CNOT2: variants seen among roughly 807,000 people sequenced by gnomAD.
CNOT2 encodes CC chemokine receptor 4-negative regulator of transcription 2.
A neutral mutation model predicts 72.1 loss-of-function variants in CNOT2; 7 were observed. That is an observed-to-expected ratio of 0.10 (90% CI 0.06 to 0.18). The LOEUF is 0.18. CNOT2 is among the 10% of genes least tolerant of loss of function. The pLI is 1.00. For missense variants in CNOT2, 345 were observed against 660.3 expected (o/e 0.52, Z 5.23); for synonymous variants, 196 against 225.6 (o/e 0.87, Z 1.17).
At chr12:70,282,445 A>T (rs1244756573) in intron 2 of CNOT2, among the ~76,000 whole-genome samples, 1 of 152,210 alleles carries the variant, frequency 6.6e-6, no homozygotes, top group Non-Finnish European at 1.5e-5. Flanking sequence ...TAAATATCTT[A>T]CTTCCTTTTA....
chr12:70,273,063 T>C (rs578258413), intron 1 of CNOT2, among the ~76,000 whole-genome samples: 1 of 152,138 alleles, frequency 6.6e-6, no homozygotes, highest in Admixed American at 6.6e-5. Context: ...TCATCAGCAT[T>C]TCCCTCTGTG....
intron 2 of CNOT2, chr12:70,294,435 A>G: frequency 2.3e-6 from 1 of 426,458 alleles, no homozygotes; most frequent in Non-Finnish European, 3.8e-6. Context: ...TTCTCATAAA[A>G]CTCATAAATT....
intron 11 of CNOT2, among the ~76,000 whole-genome samples, chr12:70,339,411 T>G (rs1336254210): frequency 6.6e-6 from 1 of 152,110 alleles, no homozygotes; most frequent in Non-Finnish European, 1.5e-5. Context: ...TCCCCTGTGA[T>G]CAACTCCCTT....
chr12:70,260,130 T>C lies in CNOT2; in HGVS notation c.-96+16650T>C, dbSNP rs1330297834. ...TTCTTTTTCGAGATTGTTTTATTAG[T>C]ATCTGCTCCATGAATTTCCATATGA... is the stretch of plus-strand genomic sequence containing the variant. On this transcript the variant is annotated intron_variant, in intron 1 of 15. Coordinates refer to ENST00000229195, the MANE Select transcript of CNOT2 (RefSeq NM_014515.7). Among the ~76,000 whole-genome samples, 5 of 152,310 alleles carry C rather than the reference T, an allele frequency of 3.3e-5. No homozygotes were observed. The East Asian group carries it at 9.6e-4, about 29-fold the overall frequency.
intron 4 of CNOT2, chr12:70,327,476 TC>T (rs1382975477): frequency 6.6e-6 from 1 of 151,882 alleles, no homozygotes; most frequent in Non-Finnish European, 1.5e-5. Context: ...TAAATTCTAG[TC>T]CTAGTTCTTT....
At chr12:70,320,001 A>G (rs935023077) in intron 4 of CNOT2, among the ~76,000 whole-genome samples, 1 of 151,694 alleles carries the variant, frequency 6.6e-6, no homozygotes, top group Non-Finnish European at 1.5e-5. Context: ...CTATTATCAC[A>G]TAAAATTTTT....
In CNOT2 at chr12:70,338,433, T is replaced by G. The variant is rs768593206; in HGVS notation, c.901-10T>G. On this transcript the variant is annotated splice_polypyrimidine_tract_variant and intron_variant, in intron 9 of 15. Transcript: ENST00000229195. ...AATTTTAATGTCACATTTAATTTTTTTCATGCTAGAATTTGAATACATCTG... is the reference window on the plus strand; with the variant it reads ...AATTTTAATGTCACATTTAATTTTTGTCATGCTAGAATTTGAATACATCTG... The G allele has an allele frequency of 6.3e-7, 1 of 1,590,076 alleles. No individual in the cohort carries two copies. Among genetic ancestry groups the G allele is most frequent in the Non-Finnish European group, 8.5e-7 (1 of 1,172,452 alleles).
chr12:70,338,772 T>C lies in CNOT2; in HGVS notation c.1128T>C (p.Leu376=), dbSNP rs1330521190. The C allele has an allele frequency of 6.2e-7, 1 of 1,613,506 alleles. No individual in the cohort carries two copies. The highest frequency in any genetic ancestry group is 2.2e-5 in the East Asian group (1 of 44,850). The change falls in exon 11 of 16, where the codon CTT becomes CTC. Residue 376 remains leucine, a synonymous_variant. Coordinates refer to ENST00000229195, the MANE Select transcript of CNOT2 (RefSeq NM_014515.7). ...AAETDPGMVH[L]ALGSDLTTLG... is the part of the protein sequence containing the mutation. ...AGACAGACCCAGGAATGGTACATCT[T>C]GCATTAGGAAGTGACTTAACAACAT...
intron 4 of CNOT2, among the ~76,000 whole-genome samples, chr12:70,321,336 A>G (rs1381414774): frequency 1.3e-5 from 2 of 151,854 alleles, no homozygotes; most frequent in African/African-American, 2.4e-5. Context: ...GCCAATTTCT[A>G]TCTGTTAGGA....
In CNOT2 at chr12:70,323,951, A is replaced by C. The variant is rs183738466; in HGVS notation, c.238+4587A>C. The C allele has an allele frequency of 7.5e-4, 114 of 151,878 alleles. 1 individual carries two copies. The highest frequency in any genetic ancestry group is 2.6e-3 in the African/African-American group (107 of 41,478). The allele number at this position is 151,878 out of a possible 1,614,324, so 9.4% of individuals were successfully genotyped here. A position where few individuals can be genotyped will look rare whatever the true frequency, so the allele number is the denominator to read the frequency against. On this transcript the variant is annotated intron_variant, in intron 4 of 15. Coordinates refer to ENST00000229195, the MANE Select transcript of CNOT2 (RefSeq NM_014515.7). ...AGCTAATATTTATTGAATATTATCT[A>C]CTGTGTATCAGATGCGATTTTAAGT...
intron 1 of CNOT2, among the ~76,000 whole-genome samples, chr12:70,269,422 A>G (rs1453977730): frequency 6.6e-6 from 1 of 152,106 alleles, no homozygotes; most frequent in Non-Finnish European, 1.5e-5. Flanking sequence ...CTGGTGAAGA[A>G]TGTGGACCCC....
chr12:70,336,707 T>TTA (rs1880754216), intron 8 of CNOT2: 2 of 152,232 alleles, frequency 1.3e-5, no homozygotes, highest in Middle Eastern at 6.8e-3. Context: ...CAGACTCTAA[T>TTA]GTTTTTAACC....
chr12:70,354,075 T>A lies in CNOT2; in HGVS notation c.*160T>A. On this transcript the variant is annotated 3_prime_UTR_variant, in exon 16 of 16. Transcript: ENST00000229195. ...TTACGCAAAAGGTCACCATTTGAGG[T>A]CCTGCCTTACTAATTATGTGCTGCC... 1 of 1,294,222 alleles carries A rather than the reference T, an allele frequency of 7.7e-7. No individual in the cohort carries two copies. The allele number at this position is 1,294,222 out of a possible 1,614,324, so 80.2% of individuals were successfully genotyped here.
At chr12:70,296,582 A>G (rs1422739960) in intron 2 of CNOT2, among the ~76,000 whole-genome samples, 1 of 151,664 alleles carries the variant, frequency 6.6e-6, no homozygotes, top group East Asian at 1.9e-4. Flanking sequence ...CATTATACCT[A>G]TATCATATTA....
chr12:70,286,740 A>C lies in CNOT2; in HGVS notation c.48+8466A>C, dbSNP rs1051730354. Reference sequence around the variant, plus strand: ...CTGTGACAAATTTAGAATATTCATGAGAATGCTCCCCTCCAACACAAAAAG... The same window carrying C: ...CTGTGACAAATTTAGAATATTCATGCGAATGCTCCCCTCCAACACAAAAAG... On this transcript the variant is annotated intron_variant, in intron 2 of 15. Coordinates refer to ENST00000229195, the MANE Select transcript of CNOT2 (RefSeq NM_014515.7). 1.1e-4 allele frequency among the ~76,000 whole-genome samples: 17 copies of C among 148,702 alleles called. 1 individual carries two copies. Among genetic ancestry groups the C allele is most frequent in the African/African-American group, 3.9e-4 (16 of 41,060 alleles).
chr12:70,272,593 T>G (rs1397665167), intron 1 of CNOT2, among the ~76,000 whole-genome samples: 3 of 152,200 alleles, frequency 2.0e-5, no homozygotes, highest in Non-Finnish European at 4.4e-5. Context: ...AGTCTGTTGC[T>G]TCTCTCATGC....
chr12:70,336,325 G>A (rs1401011840), intron 8 of CNOT2: 1 of 152,036 alleles, frequency 6.6e-6, no homozygotes, highest in Non-Finnish European at 1.5e-5. Context: ...AGGGATAAAT[G>A]GAAATAAAGG....
At chr12:70,246,217 T>G (rs969310761) in intron 1 of CNOT2, among the ~76,000 whole-genome samples, 2 of 152,198 alleles carry the variant, frequency 1.3e-5, no homozygotes, top group African/African-American at 2.4e-5. Context: ...ATAGCTTTTT[T>G]TTGTTGTTAA....
chr12:70,267,448 G>T (rs1959102177), intron 1 of CNOT2, among the ~76,000 whole-genome samples: 1 of 152,144 alleles, frequency 6.6e-6, no homozygotes, highest in South Asian at 2.1e-4. Flanking sequence ...ACAAGTCATT[G>T]GATTTAGGGC....
Sources: allele counts gnomAD v4.1 joint callset (sites outside exome capture counted in the v4.1 genomes callset), GRCh38; gene constraint gnomAD v4.1.1; transcripts MANE v1.5; gene names NCBI Gene and HGNC (gene_info 2026-07-23, HGNC 2026-07-21).